The following LINGO2 variants were observed in gnomAD, a reference collection of about 807,000 sequenced individuals.
LINGO2 encodes leucine-rich repeat and immunoglobulin-like domain-containing nogo receptor-interacting protein 2.
A neutral mutation model predicts 30.6 loss-of-function variants in LINGO2; 14 were observed. The observed-to-expected ratio is 0.46, with a 90% CI of 0.30 to 0.72. The LOEUF (loss-of-function observed/expected upper bound fraction) is 0.72. Among genes scored for constraint, LINGO2 ranks in the 30% least tolerant of loss-of-function variants. The pLI is 0.07. For synonymous variants in LINGO2, 317 were observed against 288.5 expected (o/e 1.10, Z -1.00); for missense variants, 729 against 751.7 (o/e 0.97, Z 0.35).
chr9:27,940,882 T>C, the LINGO2 span: 2 of 152,186 alleles, frequency 1.3e-5, no homozygotes, highest in Non-Finnish European at 2.9e-5. Context: ...TAAGTACAAG[T>C]TCTGAAGTAT....
At chr9:28,316,156 G>C (rs997532767) in intron 3 of LINGO2, among the ~76,000 whole-genome samples, 24 of 151,864 alleles carry the variant, frequency 1.6e-4, no homozygotes, top group Admixed American at 7.2e-4. Flanking sequence ...ATAATAAGCA[G>C]CCAATAAATG....
At chr9:28,876,139 T>C in the LINGO2 span, among the ~76,000 whole-genome samples, 4 of 152,136 alleles carry the variant, frequency 2.6e-5, no homozygotes, top group Non-Finnish European at 2.9e-5. Context: ...TTCTCAATAA[T>C]AATGTCTGCA....
At chr9:28,493,815 G>C (rs1319073115) in intron 1 of LINGO2, among the ~76,000 whole-genome samples, 1 of 152,102 alleles carries the variant, frequency 6.6e-6, no homozygotes, top group Admixed American at 6.6e-5. Context: ...AAAGCATGTG[G>C]AAGAACGTGC....
At position 28,171,344 on chromosome 9, in the gene LINGO2, C is replaced by A. The variant is rs149312456; in HGVS notation, c.-87+123864G>T. ...CATTTACAATCTATTCATTACTAAA[C>A]CTAGCTTTAATGTCCTTGTCCTGGC... On this transcript the variant is annotated intron_variant, in intron 4 of 5. Transcript: ENST00000379992. Among the ~76,000 whole-genome samples the A allele has an allele frequency of 6.1e-3, 934 of 152,210 alleles. 11 individuals carry two copies. Among genetic ancestry groups the A allele is most frequent in the African/African-American group, 0.021 (862 of 41,528 alleles).
At position 28,441,251 on chromosome 9, in the gene LINGO2, C is replaced by CTTTTTTTTTTT. The variant is rs72213590; in HGVS notation, c.-279+34678_-279+34688dup. Among the ~76,000 whole-genome samples the CTTTTTTTTTTT allele has an allele frequency of 8.3e-4, 30 of 36,288 alleles. 5 individuals are homozygous for CTTTTTTTTTTT. The highest frequency in any genetic ancestry group is 1.2e-3 in the South Asian group (1 of 810). 23.8% of individuals were successfully genotyped at this position (36,288 alleles called of 152,430 possible). On this transcript the variant is annotated intron_variant, in intron 2 of 5. Transcript: ENST00000379992. ...TATAGCAGTATAAATTCATTGGAGG[C>CTTTTTTTTTTT]TTTTTTTTTTTTTTTTTTTTTTTTT...
the LINGO2 span, among the ~76,000 whole-genome samples, chr9:29,033,704 A>C: frequency 2.9e-4 from 43 of 147,916 alleles, no homozygotes; most frequent in African/African-American, 9.8e-4. Flanking sequence ...AGATGCCACT[A>C]AAAAAAAAAT....
intron 4 of LINGO2, among the ~76,000 whole-genome samples, chr9:28,125,921 C>G (rs1366347302): frequency 6.6e-6 from 1 of 152,190 alleles, no homozygotes; most frequent in Non-Finnish European, 1.5e-5. Context: ...GATAAACACT[C>G]TCTGGTGAAA....
chr9:28,830,501 T>C, the LINGO2 span, among the ~76,000 whole-genome samples: 1 of 152,038 alleles, frequency 6.6e-6, no homozygotes, highest in Non-Finnish European at 1.5e-5. Context: ...TGAAGAGAAC[T>C]GTGGCCACTC....
At chr9:28,565,803 C>T (rs1477875097) in intron 1 of LINGO2, among the ~76,000 whole-genome samples, 1 of 151,980 alleles carries the variant, frequency 6.6e-6, no homozygotes, top group African/African-American at 2.4e-5. Context: ...ATCCACCCGC[C>T]TCGGCCTCCC....
At chr9:28,067,014 G>T (rs1475695075) in intron 4 of LINGO2, among the ~76,000 whole-genome samples, 1 of 151,822 alleles carries the variant, frequency 6.6e-6, no homozygotes, top group Non-Finnish European at 1.5e-5. Context: ...TATAATTTAG[G>T]CCTCTCTACT....
chr9:28,751,600 G>A, the LINGO2 span, among the ~76,000 whole-genome samples: 30 of 151,824 alleles, frequency 2.0e-4, no homozygotes, highest in Non-Finnish European at 4.1e-4. Flanking sequence ...TGTTAGACTT[G>A]TCCCTAAATA....
intron 3 of LINGO2, among the ~76,000 whole-genome samples, chr9:28,367,789 G>A (rs1192812450): frequency 1.3e-5 from 2 of 151,850 alleles, no homozygotes; most frequent in Admixed American, 6.6e-5. Flanking sequence ...CTATTAGTTT[G>A]CAATTATTAT....
intron 4 of LINGO2, among the ~76,000 whole-genome samples, chr9:28,253,487 G>C (rs1822277365): frequency 2.6e-5 from 4 of 152,116 alleles, no homozygotes; most frequent in African/African-American, 9.7e-5. Context: ...TCAATCCAGA[G>C]GTAAATATAT....
chr9:29,129,255 G>A, the LINGO2 span, among the ~76,000 whole-genome samples: 2 of 151,998 alleles, frequency 1.3e-5, no homozygotes, highest in Non-Finnish European at 2.9e-5. Flanking sequence ...TAAAAAAATT[G>A]TTAACAAGGA....
At chr9:27,990,329 A>G (rs1377674071) in intron 5 of LINGO2, among the ~76,000 whole-genome samples, 1 of 151,976 alleles carries the variant, frequency 6.6e-6, no homozygotes, top group African/African-American at 2.4e-5. Context: ...ATTTCTGTAT[A>G]TATTATCATC....
chr9:29,072,131 T>C, the LINGO2 span, among the ~76,000 whole-genome samples: 1 of 151,556 alleles, frequency 6.6e-6, no homozygotes, highest in Admixed American at 6.6e-5. Flanking sequence ...TATCAATAGA[T>C]AAGGAATGTA....
At chr9:28,123,084 T>G (rs1019996542) in intron 4 of LINGO2, among the ~76,000 whole-genome samples, 6 of 152,238 alleles carry the variant, frequency 3.9e-5, no homozygotes, top group Non-Finnish European at 5.9e-5. Context: ...TTCTCATTCT[T>G]GTGCTTATCT....
At chr9:28,637,438 T>A (rs891796156) in intron 1 of LINGO2, among the ~76,000 whole-genome samples, 1 of 152,192 alleles carries the variant, frequency 6.6e-6, no homozygotes, top group African/African-American at 2.4e-5. Flanking sequence ...TGATATTAAT[T>A]CTTCCTATCC....
chr9:29,023,417 C>A, the LINGO2 span, among the ~76,000 whole-genome samples: 1 of 151,846 alleles, frequency 6.6e-6, no homozygotes, highest in Admixed American at 6.6e-5. Flanking sequence ...TGAGTACCTG[C>A]TTAAAAATTA....
Sources: allele counts gnomAD v4.1 joint callset (sites outside exome capture counted in the v4.1 genomes callset), GRCh38; gene constraint gnomAD v4.1.1; transcripts MANE v1.5; gene names NCBI Gene and HGNC (gene_info 2026-07-23, HGNC 2026-07-21).